Variants in EPC2 observed in about 807,000 individuals in gnomAD.
EPC2 encodes the protein enhancer of polycomb homolog 2.
A neutral mutation model predicts 92.1 loss-of-function variants in EPC2; 14 were observed. The observed-to-expected ratio is 0.15, with a 90% confidence interval of 0.10 to 0.24. The LOEUF is 0.24. Among genes scored for constraint, EPC2 ranks in the 10% least tolerant of loss-of-function variants. The probability of loss-of-function intolerance (pLI) is 1.00; values close to 1 mark genes in which losing one functional copy is unlikely to be tolerated. For synonymous variants in EPC2, 340 were observed against 334.7 expected, an observed-to-expected ratio of 1.02 and a Z score of -0.17; for missense variants, 755 against 971.5, an observed-to-expected ratio of 0.78 and a Z score of 2.96.
intron 2 of EPC2, among the ~76,000 whole-genome samples, chr2:148,727,738 A>C (rs949506499): frequency 6.6e-6 from 1 of 152,244 alleles, no homozygotes; most frequent in Non-Finnish European, 1.5e-5. Flanking sequence ...AGAATCTCAG[A>C]TGATAACAGA....
intron 1 of EPC2, among the ~76,000 whole-genome samples, chr2:148,666,275 G>A (rs1182378767): frequency 6.6e-6 from 1 of 152,104 alleles, no homozygotes; most frequent in East Asian, 1.9e-4. Flanking sequence ...TGAGTAGCTG[G>A]GATTACAGCC....
intron 1 of EPC2, among the ~76,000 whole-genome samples, chr2:148,682,495 C>G (rs1681419202): frequency 1.3e-5 from 2 of 152,100 alleles, no homozygotes; most frequent in South Asian, 4.2e-4. Context: ...ACACCAAAAC[C>G]CTTGTTCAGT....
intron 9 of EPC2, 36 bp downstream of exon 9, chr2:148,770,973 A>G (rs368220537): frequency 7.5e-6 from 12 of 1,600,436 alleles, no homozygotes; most frequent in Admixed American, 1.8e-5. Flanking sequence ...TTTGTTTGCT[A>G]TCTGGAACAG....
intron 1 of EPC2, among the ~76,000 whole-genome samples, chr2:148,653,489 C>CT (rs1680725951): frequency 6.6e-6 from 1 of 152,314 alleles, no homozygotes; most frequent in Non-Finnish European, 1.5e-5. Context: ...TTTACATATT[C>CT]TATCATGCAG....
chr2:148,756,968 T>C (rs1683201805), intron 4 of EPC2, among the ~76,000 whole-genome samples: 1 of 152,156 alleles, frequency 6.6e-6, no homozygotes. Context: ...GAGTTGGCCC[T>C]GAGCAGAGAC....
chr2:148,784,658 T>C lies in EPC2; in HGVS notation c.2018-10T>C, dbSNP rs1683827270. 2.1e-5 allele frequency: 33 copies of C among 1,564,342 alleles called. No homozygotes were observed. Among genetic ancestry groups the C allele is most frequent in the Non-Finnish European group, 2.8e-5 (32 of 1,154,490 alleles). ...CATGATACTAGTTGAATGACTTCTT[T>C]CTTTTTCAGGAACCTCTAAAACATT... On this transcript the variant is annotated splice_polypyrimidine_tract_variant and intron_variant, in intron 12 of 13. Coordinates refer to ENST00000258484, the MANE Select transcript of EPC2 (RefSeq NM_015630.4).
chr2:148,745,940 G>A (rs947649573), intron 3 of EPC2, among the ~76,000 whole-genome samples: 1 of 152,026 alleles, frequency 6.6e-6, no homozygotes, highest in African/African-American at 2.4e-5. Flanking sequence ...GTCAAATGCT[G>A]TAATTATTTT....
intron 7 of EPC2, 112 bp downstream of exon 7, chr2:148,765,258 A>T: frequency 1.5e-6 from 1 of 657,690 alleles, no homozygotes; most frequent in Non-Finnish European, 2.4e-6. Context: ...CCCCTAATGT[A>T]TATAGCATAA....
chr2:148,753,116 G>A (rs994135149), intron 3 of EPC2, among the ~76,000 whole-genome samples: 13 of 152,130 alleles, frequency 8.5e-5, no homozygotes, highest in South Asian at 4.1e-4. Flanking sequence ...TGTCTTATCC[G>A]ATCTCGAGGT....
chr2:148,684,833 T>G (rs1031828925), intron 1 of EPC2, among the ~76,000 whole-genome samples: 1 of 152,254 alleles, frequency 6.6e-6, no homozygotes, highest in Non-Finnish European at 1.5e-5. Context: ...TCTGGAATGG[T>G]AGAAAGTCTG....
At chr2:148,781,171 CAG>C (rs1199304234) in intron 10 of EPC2, among the ~76,000 whole-genome samples, 3 of 152,154 alleles carry the variant, frequency 2.0e-5, no homozygotes, top group African/African-American at 4.8e-5. Context: ...GATTTGTAAT[CAG>C]AGAATAAAGT....
At chr2:148,775,232 C>T (rs1456210801) in intron 10 of EPC2, among the ~76,000 whole-genome samples, 2 of 151,978 alleles carry the variant, frequency 1.3e-5, no homozygotes, top group Non-Finnish European at 2.9e-5. Flanking sequence ...CTGTTATATG[C>T]GAAACACTGT....
chr2:148,739,833 CTTTTTTTTTTTT>C (rs144868417), intron 2 of EPC2, among the ~76,000 whole-genome samples: 3 of 81,296 alleles, frequency 3.7e-5, no homozygotes, highest in South Asian at 1.4e-3. Flanking sequence ...TCTTCTTCTT[CTTTTTTTTTTTT>C]TTTTTTTTTT....
Position 148,783,721 on chromosome 2 carries a change from G to C in EPC2, c.1982G>C (p.Gly661Ala), listed in dbSNP as rs371689485. 30 of 1,592,382 alleles carry C rather than the reference G, an allele frequency of 1.9e-5. No homozygotes were observed. The highest frequency in any genetic ancestry group is 2.4e-5 in the Non-Finnish European group (28 of 1,168,574). ...RSEVAKEQNT[G>A]HNNINGVVQP... ...GAGGTAGCCAAGGAACAGAACACTG[G>C]CCACAACAACATAAACGGTGTTGTC... is the stretch of plus-strand genomic sequence containing the variant. The change falls in exon 12 of 14, where the codon GGC becomes GCC. Residue 661 changes from glycine to alanine, a missense_variant. By Grantham distance (60) the Gly-to-Ala change is moderately conservative (BLOSUM62 0). Transcript: ENST00000258484.
chr2:148,769,826 T>C (rs1163756280), intron 8 of EPC2, among the ~76,000 whole-genome samples: 2 of 152,222 alleles, frequency 1.3e-5, no homozygotes, highest in Admixed American at 1.3e-4. Context: ...GACTTTCTTA[T>C]ATGGCTTGTA....
chr2:148,652,872 T>A (rs1680715356), intron 1 of EPC2, among the ~76,000 whole-genome samples: 1 of 152,218 alleles, frequency 6.6e-6, no homozygotes, highest in Admixed American at 6.5e-5. Context: ...CATCTTGCTT[T>A]CATGAAATTT....
At chr2:148,650,623 AT>A (rs1315524153) in intron 1 of EPC2, among the ~76,000 whole-genome samples, 1 of 152,060 alleles carries the variant, frequency 6.6e-6, no homozygotes, top group African/African-American at 2.4e-5. Flanking sequence ...ATGTTGTCTA[AT>A]TTTTGCCGTT....
chr2:148,695,586 G>A (rs1419422542), intron 2 of EPC2, among the ~76,000 whole-genome samples: 1 of 152,226 alleles, frequency 6.6e-6, no homozygotes, highest in East Asian at 1.9e-4. Flanking sequence ...CCTTGGAAAT[G>A]TCTTTTGATA....
chr2:148,736,531 G>A (rs1682757340), intron 2 of EPC2, among the ~76,000 whole-genome samples: 1 of 152,024 alleles, frequency 6.6e-6, no homozygotes, highest in Admixed American at 6.5e-5. Flanking sequence ...TTACTACTGG[G>A]TTGGCCATGT....
Sources: gnomAD v4.1 joint callset for allele counts (sites outside exome capture counted in the v4.1 genomes callset) on GRCh38, gnomAD v4.1.1 for gene constraint, MANE v1.5 for transcripts, NCBI Gene and HGNC (gene_info 2026-07-23, HGNC 2026-07-21) for gene names.